CSMD1: variants seen among roughly 807,000 people sequenced by gnomAD.
The protein encoded by CSMD1 is CUB and sushi domain-containing protein 1.
CSMD1 carries 213 observed loss-of-function variants against 417.5 expected under a neutral mutation model. The ratio of observed to expected loss-of-function variants is 0.51; its 90% CI spans 0.46 to 0.57. CSMD1 has a LOEUF of 0.57. CSMD1 is among the 20% of genes least tolerant of loss of function. CSMD1 has a pLI of 0.00. For synonymous variants in CSMD1, 2,862 were observed against 1,736.8 expected, an observed-to-expected ratio of 1.65 and a Z score of -16.11; for missense variants, 6,923 against 4,529.7, an observed-to-expected ratio of 1.53 and a Z score of -15.17.
chr8:3,407,194 G>A (rs1812398968), intron 14 of CSMD1, among the ~76,000 whole-genome samples: 2 of 151,162 alleles, frequency 1.3e-5, no homozygotes, highest in East Asian at 3.9e-4. Context: ...GGATATGGAT[G>A]AATGGATGGA....
chr8:3,140,190 C>G (rs1165979245), intron 41 of CSMD1, among the ~76,000 whole-genome samples: 1 of 152,180 alleles, frequency 6.6e-6, no homozygotes, highest in African/African-American at 2.4e-5. Flanking sequence ...AGGCGTGAGG[C>G]CACCACACCC....
At position 4,447,747 on chromosome 8, in the gene CSMD1, A is replaced by G. The variant is rs73660846; in HGVS notation, c.303-27682T>C. Among the ~76,000 whole-genome samples the G allele has an allele frequency of 3.2e-3, 487 of 152,316 alleles. 3 individuals are homozygous for G. The highest frequency in any genetic ancestry group is 0.011 in the African/African-American group (465 of 41,546). ...AATTAAGTCTCCAAATTAAGATTTA[A>G]GACTCTTTTGCAGTTATGTATCAAG... On this transcript the variant is annotated intron_variant, in intron 2 of 69. Transcript: ENST00000635120.
chr8:3,547,108 G>T (rs1055248446), intron 10 of CSMD1, among the ~76,000 whole-genome samples: 14 of 152,120 alleles, frequency 9.2e-5, no homozygotes, highest in African/African-American at 3.1e-4. Context: ...CTACAGGTTG[G>T]CCAACCCTCA....
chr8:3,629,803 TAAAAGACA>T (rs1187020394), intron 7 of CSMD1, among the ~76,000 whole-genome samples: 6 of 152,224 alleles, frequency 3.9e-5, no homozygotes, highest in African/African-American at 1.2e-4. Context: ...AAGGAAAGGC[TAAAAGACA>T]TAACTTCGGT....
At chr8:4,904,889 C>G (rs141666019) in intron 1 of CSMD1, among the ~76,000 whole-genome samples, 2 of 152,066 alleles carry the variant, frequency 1.3e-5, no homozygotes, top group African/African-American at 4.8e-5. Flanking sequence ...ATTTATTTTC[C>G]AATGAAAAAG....
intron 3 of CSMD1, among the ~76,000 whole-genome samples, chr8:4,363,147 G>A (rs937059907): frequency 6.6e-6 from 1 of 152,182 alleles, no homozygotes; most frequent in African/African-American, 2.4e-5. Context: ...ATAGGTGAGA[G>A]ACAGTTTCAA....
intron 11 of CSMD1, among the ~76,000 whole-genome samples, chr8:3,489,575 A>G (rs1237309457): frequency 6.6e-6 from 1 of 152,216 alleles, no homozygotes; most frequent in Admixed American, 6.5e-5. Context: ...AAAGAAAGTT[A>G]CTTAACTTTC....
rs559731231 is a variant in CSMD1, at chr8:4,243,948, A to G, written c.415+176005T>C. On this transcript the variant is annotated intron_variant, in intron 3 of 69. Coordinates refer to ENST00000635120, the MANE Select transcript of CSMD1 (RefSeq NM_033225.6). ...CCCAAAGTGACTTCCTCCAACTACA[A>G]TCATCAGTAGCAGGTGGGAACGGGT... is the stretch of plus-strand genomic sequence containing the variant. Among the ~76,000 whole-genome samples, 11 of 152,292 alleles carry G rather than the reference A, an allele frequency of 7.2e-5. No individual in the cohort carries two copies. In the East Asian group the frequency reaches 1.5e-3, roughly 21 times the overall value.
intron 5 of CSMD1, among the ~76,000 whole-genome samples, chr8:3,972,911 C>A (rs1280436410): frequency 1.3e-5 from 2 of 151,968 alleles, no homozygotes; most frequent in Non-Finnish European, 2.9e-5. Context: ...GGAAAACAAC[C>A]TAAATGGGCA....
intron 2 of CSMD1, among the ~76,000 whole-genome samples, chr8:4,588,695 G>T (rs992566664): frequency 6.6e-6 from 1 of 151,938 alleles, no homozygotes; most frequent in East Asian, 2.0e-4. Flanking sequence ...TGAGGCACAA[G>T]AATCGCTTGA....
chr8:4,812,286 G>C (rs1232557904), intron 1 of CSMD1, among the ~76,000 whole-genome samples: 2 of 152,154 alleles, frequency 1.3e-5, no homozygotes, highest in Admixed American at 6.5e-5. Context: ...GGGGAGGTGG[G>C]GGTTTTTCTC....
intron 21 of CSMD1, among the ~76,000 whole-genome samples, chr8:3,354,617 T>G (rs567072601): frequency 6.6e-6 from 1 of 152,168 alleles, no homozygotes; most frequent in African/African-American, 2.4e-5. Flanking sequence ...ATGGTACTAT[T>G]TTTAGCCCAT....
intron 4 of CSMD1, among the ~76,000 whole-genome samples, chr8:4,015,773 A>C (rs1680332426): frequency 6.6e-6 from 1 of 152,012 alleles, no homozygotes; most frequent in South Asian, 2.1e-4. Flanking sequence ...TACTTATCTT[A>C]AATGTATGTG....
At chr8:3,412,756 G>C (rs1199200795) in intron 12 of CSMD1, among the ~76,000 whole-genome samples, 1 of 152,216 alleles carries the variant, frequency 6.6e-6, no homozygotes, top group Non-Finnish European at 1.5e-5. Flanking sequence ...TTTGCTTAAA[G>C]ATAGTTCTTG....
intron 11 of CSMD1, among the ~76,000 whole-genome samples, chr8:3,486,363 T>C (rs547262482): frequency 1.3e-5 from 2 of 152,338 alleles, no homozygotes; most frequent in East Asian, 3.9e-4. Context: ...TGTAAATGCA[T>C]GCATCTATTG....
intron 68 of CSMD1, among the ~76,000 whole-genome samples, chr8:2,945,597 T>A (rs1222741946): frequency 6.6e-6 from 1 of 152,210 alleles, no homozygotes; most frequent in Non-Finnish European, 1.5e-5. Flanking sequence ...CTAATTGCTC[T>A]CTAAAGAGGC....
At chr8:4,438,870 T>C (rs1798300862) in intron 2 of CSMD1, among the ~76,000 whole-genome samples, 1 of 152,190 alleles carries the variant, frequency 6.6e-6, no homozygotes, top group African/African-American at 2.4e-5. Flanking sequence ...CACGTTCCCT[T>C]GAAAGCATTA....
chr8:4,896,887 A>T (rs62484655), intron 1 of CSMD1, among the ~76,000 whole-genome samples: 4,461 of 152,158 alleles, frequency 0.029, 111 homozygotes, highest in Middle Eastern at 0.054. Flanking sequence ...GGCAGGAAAA[A>T]GTAACAGTAT....
At chr8:3,955,106 G>C (rs570207444) in intron 5 of CSMD1, among the ~76,000 whole-genome samples, 24 of 152,210 alleles carry the variant, frequency 1.6e-4, no homozygotes, top group African/African-American at 5.1e-4. Context: ...CGGGAAAGCC[G>C]TCTCCTGCCC....
Sources: allele counts gnomAD v4.1 joint callset (sites outside exome capture counted in the v4.1 genomes callset), GRCh38; gene constraint gnomAD v4.1.1; transcripts MANE v1.5; gene names NCBI Gene and HGNC (gene_info 2026-07-23, HGNC 2026-07-21).